The following PDGFD variants were observed in gnomAD, a reference collection of about 807,000 sequenced individuals.
The protein encoded by PDGFD is platelet-derived growth factor D.
A neutral mutation model predicts 44.7 loss-of-function variants in PDGFD; 30 were observed. The ratio of observed to expected loss-of-function variants is 0.67; its 90% CI spans 0.50 to 0.91. The LOEUF is 0.91. Ranked by LOEUF, PDGFD falls within the 40% of genes least tolerant of loss-of-function variation. The pLI is 0.00. For synonymous variants in PDGFD, 173 were observed against 168.4 expected (o/e 1.03, Z -0.21); for missense variants, 445 against 457.8 (o/e 0.97, Z 0.25).
chr11:104,018,048 G>A (rs1859886713), intron 1 of PDGFD, among the ~76,000 whole-genome samples: 2 of 151,918 alleles, frequency 1.3e-5, no homozygotes, highest in African/African-American at 4.8e-5. Flanking sequence ...ACATTCTTTG[G>A]GTCAAGCATT....
intron 3 of PDGFD, among the ~76,000 whole-genome samples, chr11:103,964,100 G>A (rs906157247): frequency 1.3e-5 from 2 of 152,058 alleles, no homozygotes; most frequent in Non-Finnish European, 2.9e-5. Flanking sequence ...TGGCAGGCTT[G>A]GTCATGTGAT....
At chr11:103,957,501 A>C (rs142485291) in intron 3 of PDGFD, among the ~76,000 whole-genome samples, 3,214 of 152,290 alleles carry the variant, frequency 0.021, 39 homozygotes, top group Middle Eastern at 0.034. Flanking sequence ...GCAGCATGGT[A>C]CAGGTACCAA....
intron 3 of PDGFD, among the ~76,000 whole-genome samples, chr11:103,986,867 T>C (rs1859373413): frequency 6.6e-6 from 1 of 152,190 alleles, no homozygotes; most frequent in African/African-American, 2.4e-5. Context: ...ATAACATCAC[T>C]ATTCTAAAAT....
chr11:103,921,972 T>C (rs1020044511), intron 6 of PDGFD, among the ~76,000 whole-genome samples: 13 of 151,640 alleles, frequency 8.6e-5, no homozygotes, highest in Non-Finnish European at 1.8e-4. Flanking sequence ...ATATGGAACA[T>C]TGCAAATATA....
In PDGFD at chr11:104,118,296, G is replaced by A. The variant is rs528063454; in HGVS notation, c.124+45508C>T. Reference sequence around the variant, plus strand: ...TCCCCTTATAAGAAGAGACACAAGGGAGCTTGCTTCTCCTCTCTACTCTAG... The same window carrying A: ...TCCCCTTATAAGAAGAGACACAAGGAAGCTTGCTTCTCCTCTCTACTCTAG... On this transcript the variant is annotated intron_variant, in intron 1 of 6. Transcript: ENST00000393158. 2.6e-5 allele frequency among the ~76,000 whole-genome samples: 4 copies of A among 151,844 alleles called. No homozygotes were observed. In the Admixed American group the frequency reaches 2.6e-4, roughly 10 times the overall value.
chr11:103,934,836 G>A (rs918245208), intron 5 of PDGFD, among the ~76,000 whole-genome samples: 1 of 152,158 alleles, frequency 6.6e-6, no homozygotes, highest in Non-Finnish European at 1.5e-5. Context: ...AATTCAAGAT[G>A]AGATTTGGGT....
chr11:103,983,978 T>C (rs1044613403), intron 3 of PDGFD, among the ~76,000 whole-genome samples: 27 of 151,766 alleles, frequency 1.8e-4, no homozygotes, highest in South Asian at 1.2e-3. Flanking sequence ...AGTTCAGCCA[T>C]GGCAGAAGAC....
intron 1 of PDGFD, among the ~76,000 whole-genome samples, chr11:104,014,669 T>G (rs1258580102): frequency 6.6e-6 from 1 of 152,214 alleles, no homozygotes; most frequent in Non-Finnish European, 1.5e-5. Flanking sequence ...CCTACATTGC[T>G]AAAAGCAACC....
chr11:104,156,346 C>T (rs1322467418), intron 1 of PDGFD, among the ~76,000 whole-genome samples: 1 of 151,940 alleles, frequency 6.6e-6, no homozygotes, highest in Non-Finnish European at 1.5e-5. Context: ...TACAGCAAGA[C>T]TCTGTCTCAA....
intron 3 of PDGFD, among the ~76,000 whole-genome samples, chr11:103,968,498 A>G (rs562789784): frequency 9.9e-5 from 15 of 152,136 alleles, no homozygotes; most frequent in African/African-American, 3.4e-4. Flanking sequence ...TACTCTCTTC[A>G]CCGAATTGTG....
At chr11:104,127,465 G>A (rs1295184571) in intron 1 of PDGFD, among the ~76,000 whole-genome samples, 1 of 152,126 alleles carries the variant, frequency 6.6e-6, no homozygotes, top group Non-Finnish European at 1.5e-5. Context: ...AGGGAATTGT[G>A]CTGTGGGGAA....
In PDGFD at chr11:104,102,119, C is replaced by T. The variant is rs191464619; in HGVS notation, c.124+61685G>A. 1.5e-3 allele frequency among the ~76,000 whole-genome samples: 236 copies of T among 152,268 alleles called. 1 individual carries two copies. Among genetic ancestry groups the T allele is most frequent in the African/African-American group, 5.5e-3 (227 of 41,540 alleles). On this transcript the variant is annotated intron_variant, in intron 1 of 6. Coordinates refer to ENST00000393158, the MANE Select transcript of PDGFD (RefSeq NM_025208.5). ...AAAAGCTTCTGCACGGCAAAAGAAACTACCATAAGAGAGAACAGGCAACCT... is the reference window on the plus strand; with the variant it reads ...AAAAGCTTCTGCACGGCAAAAGAAATTACCATAAGAGAGAACAGGCAACCT...
At chr11:104,117,499 A>C (rs1210092123) in intron 1 of PDGFD, among the ~76,000 whole-genome samples, 1 of 152,086 alleles carries the variant, frequency 6.6e-6, no homozygotes, top group Non-Finnish European at 1.5e-5. Flanking sequence ...ATTCCTCCAG[A>C]AAGTTCCTAG....
intron 6 of PDGFD, among the ~76,000 whole-genome samples, chr11:103,917,785 C>G (rs1858150694): frequency 6.6e-6 from 1 of 152,180 alleles, no homozygotes; most frequent in African/African-American, 2.4e-5. Flanking sequence ...TGAGGCCTCT[C>G]TAACATGCCT....
At chr11:104,141,013 T>C (rs1366125633) in intron 1 of PDGFD, among the ~76,000 whole-genome samples, 31 of 152,304 alleles carry the variant, frequency 2.0e-4, no homozygotes, top group Admixed American at 2.0e-3. Flanking sequence ...AGGGCCTACA[T>C]GGTCTGGACC....
chr11:104,069,528 A>C (rs1860842441), intron 1 of PDGFD, among the ~76,000 whole-genome samples: 1 of 152,214 alleles, frequency 6.6e-6, no homozygotes, highest in African/African-American at 2.4e-5. Context: ...AGCATTCATG[A>C]ATGTTTCTTG....
At chr11:103,983,195 C>A (rs2134352840) in intron 3 of PDGFD, among the ~76,000 whole-genome samples, 1 of 151,886 alleles carries the variant, frequency 6.6e-6, no homozygotes, top group South Asian at 2.1e-4. Flanking sequence ...GTAACCAAAA[C>A]AGTGTGGCAC....
At chr11:104,118,035 A>T (rs1861667021) in intron 1 of PDGFD, among the ~76,000 whole-genome samples, 1 of 152,016 alleles carries the variant, frequency 6.6e-6, no homozygotes, top group South Asian at 2.1e-4. Flanking sequence ...CTACAACCTT[A>T]CTATAACCAT....
At chr11:103,917,909 C>T (rs1374422868) in intron 6 of PDGFD, among the ~76,000 whole-genome samples, 2 of 152,164 alleles carry the variant, frequency 1.3e-5, no homozygotes, top group Non-Finnish European at 2.9e-5. Context: ...TGCCTGGAGT[C>T]CCCTGCACTC....
Sources: allele counts gnomAD v4.1 joint callset (sites outside exome capture counted in the v4.1 genomes callset), GRCh38; gene constraint gnomAD v4.1.1; transcripts MANE v1.5; gene names NCBI Gene and HGNC (gene_info 2026-07-23, HGNC 2026-07-21).